Variants in NR2C2 observed in about 807,000 individuals in gnomAD.
NR2C2 encodes the protein Nuclear hormone receptor TR4.
A neutral mutation model predicts 62.9 loss-of-function variants in NR2C2; 6 were observed. The observed-to-expected ratio is 0.10, with a 90% CI of 0.05 to 0.19. NR2C2 has a LOEUF of 0.19. Among genes scored for constraint, NR2C2 ranks in the 10% least tolerant of loss-of-function variants. NR2C2 has a pLI of 1.00. For synonymous variants in NR2C2, 272 were observed against 273.8 expected, an observed-to-expected ratio of 0.99 and a Z score of 0.07; for missense variants, 479 against 762.7, an observed-to-expected ratio of 0.63 and a Z score of 4.38.
intron 1 of NR2C2, among the ~76,000 whole-genome samples, chr3:14,997,372 A>G (rs2040862294): frequency 1.3e-5 from 2 of 152,262 alleles, no homozygotes; most frequent in Admixed American, 6.5e-5. Context: ...GTCTTTAAGC[A>G]ACACATAACT....
At chr3:14,976,162 G>A (rs951515174) in intron 1 of NR2C2, among the ~76,000 whole-genome samples, 1 of 152,148 alleles carries the variant, frequency 6.6e-6, no homozygotes, top group South Asian at 2.1e-4. Context: ...CAGTGTGTCA[G>A]TGTGTAATTG....
At chr3:14,982,614 TCA>T (rs2040405346) in intron 1 of NR2C2, among the ~76,000 whole-genome samples, 1 of 152,218 alleles carries the variant, frequency 6.6e-6, no homozygotes, top group Admixed American at 6.5e-5. Context: ...TTATTTTCTC[TCA>T]CTGGTATATA....
At chr3:15,019,140 C>T (rs1238199580) in intron 4 of NR2C2, among the ~76,000 whole-genome samples, 1 of 150,194 alleles carries the variant, frequency 6.7e-6, no homozygotes, top group Non-Finnish European at 1.5e-5. Flanking sequence ...GCACAAGAAT[C>T]ACTTGAACCC....
intron 1 of NR2C2, among the ~76,000 whole-genome samples, chr3:14,986,102 T>C (rs2040507018): frequency 6.6e-6 from 1 of 152,148 alleles, no homozygotes; most frequent in Admixed American, 6.5e-5. Context: ...CAGTGCCCCC[T>C]TTTTAAACAG....
intron 2 of NR2C2, among the ~76,000 whole-genome samples, chr3:15,010,400 A>G (rs1241388396): frequency 6.6e-6 from 1 of 152,072 alleles, no homozygotes; most frequent in Non-Finnish European, 1.5e-5. Flanking sequence ...AATTTTTATA[A>G]GCGTGAGTCT....
At chr3:14,959,855 A>G (rs1048988633) in intron 1 of NR2C2, among the ~76,000 whole-genome samples, 2 of 152,236 alleles carry the variant, frequency 1.3e-5, no homozygotes, top group African/African-American at 4.8e-5. Context: ...TAGAGAACCT[A>G]CAGTTATATC....
At chr3:15,038,799 G>A (rs937637523) in intron 12 of NR2C2, 2 of 226,084 alleles carry the variant, frequency 8.8e-6, no homozygotes, top group South Asian at 2.5e-4. Context: ...GAAAGTAAAT[G>A]ACAATTTGTA....
chr3:15,041,111 C>CTAT (rs1465439903), intron 13 of NR2C2, among the ~76,000 whole-genome samples: 3 of 152,162 alleles, frequency 2.0e-5, no homozygotes, highest in Non-Finnish European at 4.4e-5. Flanking sequence ...GGGAGGCTTT[C>CTAT]TTATAGGGCT....
At chr3:14,991,681 A>G (rs1392972000) in intron 1 of NR2C2, among the ~76,000 whole-genome samples, 1 of 152,102 alleles carries the variant, frequency 6.6e-6, no homozygotes, top group Non-Finnish European at 1.5e-5. Flanking sequence ...ATAGATTTGG[A>G]AACTCTTAAT....
intron 1 of NR2C2, among the ~76,000 whole-genome samples, chr3:14,982,055 T>C (rs1305579007): frequency 2.0e-5 from 3 of 152,114 alleles, no homozygotes; most frequent in African/African-American, 4.8e-5. Flanking sequence ...AATAATACTT[T>C]ACATCCTTCA....
At chr3:15,017,553 C>T (rs1477055291) in intron 4 of NR2C2, among the ~76,000 whole-genome samples, 1 of 152,126 alleles carries the variant, frequency 6.6e-6, no homozygotes, top group Non-Finnish European at 1.5e-5. Context: ...ACAAAAGGGC[C>T]ATAGAATCTG....
chr3:14,988,887 T>C (rs1432553212), intron 1 of NR2C2, among the ~76,000 whole-genome samples: 1 of 152,220 alleles, frequency 6.6e-6, no homozygotes, highest in African/African-American at 2.4e-5. Flanking sequence ...TGTTTGTATG[T>C]GTGGAGTGGA....
intron 8 of NR2C2, among the ~76,000 whole-genome samples, chr3:15,029,758 C>G (rs879296300): frequency 4.0e-5 from 6 of 151,214 alleles, no homozygotes; most frequent in South Asian, 4.2e-4. Flanking sequence ...GGTTTGAGAC[C>G]AGCTGAGACC....
At chr3:15,036,650 C>T (rs533242724) in intron 11 of NR2C2, among the ~76,000 whole-genome samples, 1 of 152,200 alleles carries the variant, frequency 6.6e-6, no homozygotes, top group South Asian at 2.1e-4. Context: ...GCCATCACAC[C>T]CAGATAATTT....
intron 1 of NR2C2, among the ~76,000 whole-genome samples, chr3:14,967,908 A>G (rs1413002091): frequency 6.6e-6 from 1 of 152,162 alleles, no homozygotes; most frequent in Non-Finnish European, 1.5e-5. Flanking sequence ...TATTTAATAA[A>G]TGGTGCTGGG....
At chr3:15,018,744 C>T (rs113470539) in intron 4 of NR2C2, among the ~76,000 whole-genome samples, 29 of 151,918 alleles carry the variant, frequency 1.9e-4, no homozygotes, top group African/African-American at 2.7e-4. Context: ...TGGCAGGGTG[C>T]GGTGTCTCAC....
At chr3:15,022,559 C>T (rs1422388894) in intron 5 of NR2C2, among the ~76,000 whole-genome samples, 1 of 152,050 alleles carries the variant, frequency 6.6e-6, no homozygotes, top group Admixed American at 6.5e-5. Flanking sequence ...GTGCCTGCCA[C>T]CACACCTGGC....
chr3:15,034,384 A>C, intron 10 of NR2C2: 1 of 288,154 alleles, frequency 3.5e-6, no homozygotes. Flanking sequence ...GAGGCTTTTG[A>C]AGGCTGTAGG....
chr3:15,029,746 G>C (rs1159246605), intron 8 of NR2C2, among the ~76,000 whole-genome samples: 2 of 151,706 alleles, frequency 1.3e-5, no homozygotes, highest in East Asian at 3.9e-4. Flanking sequence ...CTTGATCCCA[G>C]GGGTTTGAGA....
Sources: allele counts gnomAD v4.1 joint callset (sites outside exome capture counted in the v4.1 genomes callset), GRCh38; gene constraint gnomAD v4.1.1; transcripts MANE v1.5; gene names NCBI Gene and HGNC (gene_info 2026-07-23, HGNC 2026-07-21).